ARHGAP28: variants seen among roughly 807,000 people sequenced by gnomAD.
ARHGAP28 encodes the protein Rho GTPase activating protein 28.
Under a neutral mutation model 90.7 loss-of-function variants are expected in ARHGAP28, and 56 were observed. That is an observed-to-expected ratio of 0.62 (90% CI 0.50 to 0.77). The LOEUF is 0.77. Ranked by LOEUF, ARHGAP28 falls within the 30% of genes least tolerant of loss-of-function variation. The probability of loss-of-function intolerance (pLI) is 0.00; values close to 1 mark genes in which losing one functional copy is unlikely to be tolerated. For synonymous variants in ARHGAP28, 308 were observed against 323.3 expected, an observed-to-expected ratio of 0.95 and a Z score of 0.51; for missense variants, 869 against 900.9, an observed-to-expected ratio of 0.96 and a Z score of 0.45.
chr18:6,733,173 A>G (rs2055897341), intron 1 of ARHGAP28, among the ~76,000 whole-genome samples: 2 of 152,198 alleles, frequency 1.3e-5, no homozygotes, highest in African/African-American at 2.4e-5. Context: ...GTGGGTACCT[A>G]AAAGATTCTA....
At chr18:6,909,290 CTTTTCTTTTCT>C (rs777855579) in intron 17 of ARHGAP28, among the ~76,000 whole-genome samples, 1,427 of 53,456 alleles carry the variant, frequency 0.027, 16 homozygotes, top group Non-Finnish European at 0.039. Flanking sequence ...CTTTTCTTTT[CTTTTCTTTTCT>C]TTTTTTTTTG....
intron 16 of ARHGAP28, among the ~76,000 whole-genome samples, chr18:6,905,218 A>G (rs1211568331): frequency 6.6e-6 from 1 of 152,232 alleles, no homozygotes; most frequent in Non-Finnish European, 1.5e-5. Context: ...ATCGTACACC[A>G]TAAACCAACT....
At chr18:6,846,683 C>A (rs67162636) in intron 3 of ARHGAP28, among the ~76,000 whole-genome samples, 1 of 152,116 alleles carries the variant, frequency 6.6e-6, no homozygotes, top group South Asian at 2.1e-4. Flanking sequence ...CTGCAGCCAG[C>A]GTCTCACCCC....
At chr18:6,771,082 C>G (rs1020879876) in intron 1 of ARHGAP28, among the ~76,000 whole-genome samples, 3 of 151,940 alleles carry the variant, frequency 2.0e-5, no homozygotes, top group Non-Finnish European at 4.4e-5. Context: ...TGTCACCCAG[C>G]CTGGAGTGCA....
At chr18:6,744,347 G>A (rs2056004421) in intron 1 of ARHGAP28, among the ~76,000 whole-genome samples, 1 of 152,112 alleles carries the variant, frequency 6.6e-6, no homozygotes, top group African/African-American at 2.4e-5. Context: ...AAAATGATTA[G>A]GGTCAGACTG....
At chr18:6,801,903 C>A (rs1454389444) in intron 1 of ARHGAP28, among the ~76,000 whole-genome samples, 1 of 152,080 alleles carries the variant, frequency 6.6e-6, no homozygotes. Flanking sequence ...CATTAATTAA[C>A]CTCTCTTCAT....
At chr18:6,744,766 T>C (rs912309335) in intron 1 of ARHGAP28, among the ~76,000 whole-genome samples, 6 of 152,168 alleles carry the variant, frequency 3.9e-5, no homozygotes, top group Non-Finnish European at 1.5e-5. Flanking sequence ...TAAGCTGAAC[T>C]GATTTTTGTT....
At chr18:6,774,395 C>G (rs765201205) in intron 1 of ARHGAP28, among the ~76,000 whole-genome samples, 4 of 152,116 alleles carry the variant, frequency 2.6e-5, no homozygotes, top group Non-Finnish European at 5.9e-5. Context: ...TTTATAGATG[C>G]ATCATATTGA....
chr18:6,857,535 C>T (rs1427646712), intron 4 of ARHGAP28, among the ~76,000 whole-genome samples: 3 of 152,140 alleles, frequency 2.0e-5, no homozygotes, highest in Non-Finnish European at 2.9e-5. Context: ...TGGGTGGCAG[C>T]GAGTGTTTTC....
intron 1 of ARHGAP28, among the ~76,000 whole-genome samples, chr18:6,801,456 T>A (rs1567952158): frequency 6.6e-6 from 1 of 152,202 alleles, no homozygotes; most frequent in Non-Finnish European, 1.5e-5. Context: ...ACTTTCTTCT[T>A]TTTCACAGTA....
chr18:6,781,072 T>A (rs755619801), intron 1 of ARHGAP28, among the ~76,000 whole-genome samples: 5 of 152,204 alleles, frequency 3.3e-5, no homozygotes, highest in African/African-American at 4.8e-5. Flanking sequence ...TTGATCCAAT[T>A]TAGCACTTTC....
chr18:6,838,974 A>G (rs2056775670), intron 3 of ARHGAP28, among the ~76,000 whole-genome samples: 1 of 152,152 alleles, frequency 6.6e-6, no homozygotes, highest in African/African-American at 2.4e-5. Context: ...TCATCTGACC[A>G]TCCGTATCAG....
At chr18:6,826,461 T>C (rs2056663820) in intron 2 of ARHGAP28, among the ~76,000 whole-genome samples, 1 of 151,686 alleles carries the variant, frequency 6.6e-6, no homozygotes. Context: ...TCTTTTGCTG[T>C]GTAGAAGCTC....
In ARHGAP28 at chr18:6,837,303, C is replaced by T; in HGVS notation, c.432C>T (p.Thr144=). 1 of 1,613,080 alleles carries T rather than the reference C, an allele frequency of 6.2e-7. No homozygotes were observed. The highest frequency in any genetic ancestry group is 8.5e-7 in the Non-Finnish European group (1 of 1,179,660). ...CCTTGCTCTCCACATTGACTCGAAC[C>T]CAAGCAGCTGCCGTGCAAAAGAGAT... ...GKALLSTLTR[T]QAAAVQKRYH... Residue 144 remains threonine (T), a synonymous_variant, in exon 3 of 18, where the codon ACC becomes ACT. Coordinates refer to ENST00000383472, the MANE Select transcript of ARHGAP28 (RefSeq NM_001366230.1).
intron 16 of ARHGAP28, among the ~76,000 whole-genome samples, chr18:6,908,111 GTTTA>G (rs1458058988): frequency 8.1e-5 from 12 of 148,004 alleles, no homozygotes; most frequent in Non-Finnish European, 1.2e-4. Context: ...TTATTTTATA[GTTTA>G]TTTTATTTTG....
At chr18:6,797,684 C>T (rs1283220523) in intron 1 of ARHGAP28, among the ~76,000 whole-genome samples, 1 of 147,796 alleles carries the variant, frequency 6.8e-6, no homozygotes, top group Non-Finnish European at 1.5e-5. Context: ...TTTTTTAAGT[C>T]GCAGTCTCAC....
intron 4 of ARHGAP28, among the ~76,000 whole-genome samples, chr18:6,854,333 A>C (rs2056935316): frequency 6.6e-6 from 1 of 151,808 alleles, no homozygotes; most frequent in Admixed American, 6.6e-5. Flanking sequence ...CAACTTTTTA[A>C]ATTTTATAAG....
chr18:6,837,469 G>A lies in ARHGAP28; in HGVS notation c.543+55G>A, dbSNP rs956822875. ...GGCGCCTAGTTTGACTGGGGATGGG[G>A]TAGGGTGGGGCTGGGGTGGAAAAAA... On this transcript the variant is annotated intron_variant, in intron 3 of 17. Transcript: ENST00000383472. 3.3e-5 allele frequency: 21 copies of A among 628,044 alleles called. No individual in the cohort carries two copies. In the African/African-American group the frequency reaches 3.5e-4, roughly 11 times the overall value. 38.9% of individuals were successfully genotyped at this position (628,044 alleles called of 1,614,324 possible). A position where few individuals can be genotyped will look rare whatever the true frequency, so the allele number is the denominator to read the frequency against.
intron 3 of ARHGAP28, among the ~76,000 whole-genome samples, chr18:6,841,185 C>CTCCTCTCTCACTGTCTCTCTCCTCTT (rs2056816159): frequency 1.1e-4 from 6 of 56,476 alleles, no homozygotes; most frequent in African/African-American, 6.0e-4. Context: ...TCTCTCCTCT[C>CTCCTCTCTCACTGTCTCTCTCCTCTT]TCTCTCTCTC....
Sources: allele counts gnomAD v4.1 joint callset (sites outside exome capture counted in the v4.1 genomes callset), GRCh38; gene constraint gnomAD v4.1.1; transcripts MANE v1.5; gene names NCBI Gene and HGNC (gene_info 2026-07-23, HGNC 2026-07-21).